CDHR2: variants seen among roughly 807,000 people sequenced by gnomAD.
CDHR2 encodes cadherin related family member 2.
CDHR2 carries 104 observed loss-of-function variants against 138.6 expected under a neutral mutation model. The observed-to-expected ratio is 0.75, with a 90% CI of 0.64 to 0.88. The LOEUF is 0.88. Ranked by LOEUF, CDHR2 falls within the 40% of genes least tolerant of loss-of-function variation. The pLI is 0.00. For synonymous variants in CDHR2, 755 were observed against 742.8 expected (o/e 1.02, Z -0.27); for missense variants, 1,624 against 1,727.6 (o/e 0.94, Z 1.06).
intron 1 of CDHR2, among the ~76,000 whole-genome samples, chr5:176,564,381 T>C (rs553946749): frequency 2.1e-4 from 32 of 152,276 alleles, no homozygotes; most frequent in African/African-American, 7.2e-4. Flanking sequence ...AGAGACAGGG[T>C]TTCACCATGT....
Position 176,558,372 on chromosome 5 carries a change from T to C in CDHR2, c.-15-6966T>C, listed in dbSNP as rs550998786. Among the ~76,000 whole-genome samples the C allele has an allele frequency of 2.7e-4, 40 of 150,134 alleles. 1 individual carries two copies. Among genetic ancestry groups the C allele is most frequent in the South Asian group, 2.3e-3 (11 of 4,694 alleles). On this transcript the variant is annotated intron_variant, in intron 1 of 31. Transcript: ENST00000261944. ...CTGGGACTACAGGCGCCCGCCACCATGCCCAGCTAATTTTTTTTTTTTTTT... is the reference window on the plus strand; with the variant it reads ...CTGGGACTACAGGCGCCCGCCACCACGCCCAGCTAATTTTTTTTTTTTTTT...
chr5:176,571,779 G>A (rs75887225), intron 6 of CDHR2, among the ~76,000 whole-genome samples: 36,851 of 151,606 alleles, frequency 0.24, 4,718 homozygotes, highest in East Asian at 0.47. Flanking sequence ...CTCGTGATCC[G>A]CACGCCTCGG....
chr5:176,557,560 A>ATTTTTTTT (rs5873538), intron 1 of CDHR2, among the ~76,000 whole-genome samples: 13 of 87,412 alleles, frequency 1.5e-4, no homozygotes, highest in Non-Finnish European at 2.2e-4. Flanking sequence ...ACCTTCTTAG[A>ATTTTTTTT]TTTTTTTTTT....
At position 176,575,307 on chromosome 5, in the gene CDHR2, T is replaced by C. The variant is rs1323737510; in HGVS notation, c.649T>C (p.Phe217Leu). Residue 217 changes from phenylalanine (F) to leucine (L), a missense_variant, in exon 9 of 32, where the codon TTC (phenylalanine) becomes CTC (leucine). Phe to Leu is a conservative substitution (Grantham distance 22). Transcript: ENST00000261944. Reference sequence around the variant, plus strand: ...CTTGGGCGGCATGTACCACAACACCTTCACCATCCAGTGCTCCCTGCCTGT... The same window carrying C: ...CTTGGGCGGCATGTACCACAACACCCTCACCATCCAGTGCTCCCTGCCTGT... ...CDLGGMYHNT[F>L]TIQCSLPVFL... is the part of the protein sequence containing the mutation. 1.2e-6 allele frequency: 2 copies of C among 1,614,198 alleles called. No individual in the cohort carries two copies. The highest frequency in any genetic ancestry group is 2.2e-5 in the South Asian group (2 of 91,084).
chr5:176,557,082 C>T (rs538459920), intron 1 of CDHR2, among the ~76,000 whole-genome samples: 61 of 149,698 alleles, frequency 4.1e-4, no homozygotes, highest in African/African-American at 1.5e-3. Context: ...GTGGGAAGGT[C>T]TTGGCTCCCT....
At chr5:176,563,828 C>T (rs1361291277) in intron 1 of CDHR2, among the ~76,000 whole-genome samples, 19 of 152,124 alleles carry the variant, frequency 1.2e-4, no homozygotes, top group Admixed American at 1.2e-3. Context: ...TTTACAGTAG[C>T]AAATGTGTTC....
Position 176,561,096 on chromosome 5 carries a change from C to T in CDHR2, c.-15-4242C>T, listed in dbSNP as rs78711494. ...ACAATGAGAAGGGCAAGAGACAGAC[C>T]GTCCTTTTCCTGCAATAATAACTTC... On this transcript the variant is annotated intron_variant, in intron 1 of 31. Transcript: ENST00000261944. Among the ~76,000 whole-genome samples the T allele has an allele frequency of 4.2e-3, 644 of 152,254 alleles. 6 individuals are homozygous for T. The highest frequency in any genetic ancestry group is 0.015 in the African/African-American group (622 of 41,558).
chr5:176,577,589 C>T (rs200017065), intron 13 of CDHR2, 35 bp downstream of exon 13: 234 of 1,613,764 alleles, frequency 1.5e-4, no homozygotes, highest in Non-Finnish European at 9.0e-5. Context: ...GGGCAGAAGC[C>T]GAGGGGCACT....
intron 19 of CDHR2, among the ~76,000 whole-genome samples, chr5:176,585,654 G>C (rs547992743): frequency 6.6e-6 from 1 of 152,238 alleles, no homozygotes; most frequent in Non-Finnish European, 1.5e-5. Context: ...CTGCTTATCT[G>C]CTCTGAGGTC....
chr5:176,565,807 C>T, intron 3 of CDHR2, 64 bp downstream of exon 3: 1 of 1,241,046 alleles, frequency 8.1e-7, no homozygotes, highest in East Asian at 2.5e-5. Flanking sequence ...TCCTGGGGTG[C>T]CCTCTGGAGC....
At chr5:176,561,606 C>T (rs1411870029) in intron 1 of CDHR2, among the ~76,000 whole-genome samples, 3 of 148,476 alleles carry the variant, frequency 2.0e-5, no homozygotes, top group Admixed American at 6.7e-5. Flanking sequence ...GCATTGAGGG[C>T]GTGTCTGGAC....
intron 1 of CDHR2, among the ~76,000 whole-genome samples, chr5:176,560,408 TA>T (rs771235299): frequency 0.013 from 1,789 of 135,436 alleles, 20 homozygotes; most frequent in African/African-American, 0.036. Context: ...ATAAATAAAT[TA>T]AAAAAAAAAA....
rs1356427975 is a variant in CDHR2 at position 176,553,511 on chromosome 5, AC to A, written c.-16+4099del. On this transcript the variant is annotated intron_variant, in intron 1 of 31. Transcript: ENST00000261944. The surrounding 1 kb of genome is among the most constrained non-coding windows in gnomAD (Gnocchi z 4.3). ...CCATCTTGATACCTGCTGGCTGCAC[AC>A]CTAGTGACTAATTGTCCCGTGGCAG... Among the ~76,000 whole-genome samples the A allele has an allele frequency of 6.6e-6, 1 of 152,156 alleles. No homozygotes were observed. Among genetic ancestry groups the A allele is most frequent in the Non-Finnish European group, 1.5e-5 (1 of 68,012 alleles).
At chr5:176,580,332 C>T (rs1758499629) in intron 16 of CDHR2, among the ~76,000 whole-genome samples, 1 of 151,956 alleles carries the variant, frequency 6.6e-6, no homozygotes, top group South Asian at 2.1e-4. Flanking sequence ...AGTTCGAAAC[C>T]AGCCTGGCCA....
In CDHR2 at chr5:176,585,032, T is replaced by C; in HGVS notation, c.2734+17T>C. The C allele has an allele frequency of 1.3e-6, 2 of 1,533,092 alleles. No individual in the cohort carries two copies. The highest frequency in any genetic ancestry group is 1.8e-6 in the Non-Finnish European group (2 of 1,135,282). The allele number at this position is 1,533,092 out of a possible 1,614,324, so 95.0% of individuals were successfully genotyped here. On this transcript the variant is annotated intron_variant, in intron 19 of 31. Transcript: ENST00000261944. The stretch of plus-strand genomic sequence containing the variant: ...GCAACAATGGTAAGGCAGCCTGTCC[T>C]TGCAGGGCTTGGCAGGCCATAGCTT...
rs1457024167 is a variant in CDHR2, at chr5:176,592,759, CAA to C, written c.3772_3773del (p.Lys1258GlufsTer?). On this transcript the variant is annotated frameshift_variant, in exon 31 of 32. Transcript: ENST00000261944. LOFTEE classifies it low-confidence loss of function (END_TRUNC). ...SLDDNSVDVD[K>X]NSQEIKEHRP... ...TGGACGACAACTCTGTGGATGTGGACAAGAACAGTCAGGAAATCAAGGCAAGA... is the reference window on the plus strand; with the variant it reads ...TGGACGACAACTCTGTGGATGTGGACGAACAGTCAGGAAATCAAGGCAAGA... 3 of 1,613,822 alleles carry C rather than the reference CAA, an allele frequency of 1.9e-6. No homozygotes were observed. Among genetic ancestry groups the C allele is most frequent in the Non-Finnish European group, 2.5e-6 (3 of 1,179,840 alleles).
chr5:176,594,869 T>C (rs1758982231), intron 31 of CDHR2, among the ~76,000 whole-genome samples: 1 of 152,094 alleles, frequency 6.6e-6, no homozygotes, highest in Non-Finnish European at 1.5e-5. Flanking sequence ...GCACACAGCA[T>C]GTCGCATGGC....
At chr5:176,591,642 AGGTGAT>A (rs1347239970) in intron 30 of CDHR2, 158 bp downstream of exon 30, 3 of 641,006 alleles carry the variant, frequency 4.7e-6, no homozygotes, top group South Asian at 1.7e-5. Context: ...GATGGTAGTG[AGGTGAT>A]GGTGATGGTA....
At chr5:176,565,169 TCC>T (rs1363741850) in intron 1 of CDHR2, 167 bp from the exon 2 acceptor site, 7 of 599,854 alleles carry the variant, frequency 1.2e-5, no homozygotes, top group Admixed American at 5.9e-5. Context: ...CCCCCTTGGT[TCC>T]CCTGACCCTA....
Sources: gnomAD v4.1 joint callset for allele counts (sites outside exome capture counted in the v4.1 genomes callset) on GRCh38, gnomAD v4.1.1 for gene constraint, Gnocchi (gnomAD v3.1) non-coding constraint, MANE v1.5 for transcripts, NCBI Gene and HGNC (gene_info 2026-07-23, HGNC 2026-07-21) for gene names.